Variants in LRRC51 observed in about 807,000 individuals in gnomAD.
LRRC51 encodes leucine-rich repeat-containing protein 51.
In LRRC51, 8 loss-of-function variants were observed where a neutral mutation model predicts 17.8. That is an observed-to-expected ratio of 0.45 (90% CI 0.26 to 0.81). The LOEUF (loss-of-function observed/expected upper bound fraction) is 0.81. Among genes scored for constraint, LRRC51 ranks in the 30% least tolerant of loss-of-function variants. The pLI, the probability that LRRC51 is intolerant of heterozygous loss-of-function variation, is 0.17. For missense variants in LRRC51, 233 were observed against 239.3 expected (o/e 0.97, Z 0.17); for synonymous variants, 92 against 96.0 (o/e 0.96, Z 0.24).
At chr11:72,083,333 C>G (rs1944350126) in intron 1 of LRRC51, among the ~76,000 whole-genome samples, 1 of 152,184 alleles carries the variant, frequency 6.6e-6, no homozygotes, top group Admixed American at 6.5e-5. Flanking sequence ...ATAGCAGTCA[C>G]ATCTGCCTGG....
chr11:72,095,145 G>A (rs1315862333), intron 5 of LRRC51, 49 bp downstream of exon 5: 6 of 1,603,042 alleles, frequency 3.7e-6, no homozygotes, highest in Admixed American at 1.7e-5. Context: ...TCCCCTAAAG[G>A]AAAGGAGGAG....
intron 3 of LRRC51, 75 bp downstream of exon 3, chr11:72,089,240 C>T: frequency 1.2e-6 from 2 of 1,605,582 alleles, no homozygotes; most frequent in South Asian, 1.1e-5. Flanking sequence ...AAACCATAAT[C>T]TACTTAAAAG....
At chr11:72,090,959 G>C (rs1297750164) in intron 3 of LRRC51, among the ~76,000 whole-genome samples, 1 of 152,184 alleles carries the variant, frequency 6.6e-6, no homozygotes, top group East Asian at 1.9e-4. Flanking sequence ...ATGCTCCCCA[G>C]TTCCCAAAGC....
In LRRC51 at chr11:72,088,380, GGTGA is replaced by G; in HGVS notation, c.-56+6_-56+9del. On this transcript the variant is annotated splice_donor_variant and splice_donor_region_variant and intron_variant, in intron 2 of 5. Transcript: ENST00000289488. LOFTEE classifies it low-confidence loss of function (5UTR_SPLICE). The stretch of plus-strand genomic sequence containing the variant: ...GGTGGAGTTTCAGCCATCAGTGACA[GGTGA>G]GTGAGAGGTAGACTCTGGTTTTGTG... 1.4e-6 allele frequency: 1 copy of G among 702,608 alleles called. No homozygotes were observed. The allele number at this position is 702,608 out of a possible 1,614,324, so 43.5% of individuals were successfully genotyped here.
At chr11:72,087,301 T>C (rs1944592833) in intron 1 of LRRC51, among the ~76,000 whole-genome samples, 2 of 148,436 alleles carry the variant, frequency 1.3e-5, no homozygotes, top group Non-Finnish European at 3.0e-5. Context: ...TTTTTTTTTT[T>C]TTTTTTTTTT....
chr11:72,091,582 G>T (rs1317218616), intron 3 of LRRC51, among the ~76,000 whole-genome samples: 7 of 152,182 alleles, frequency 4.6e-5, no homozygotes, highest in African/African-American at 1.7e-4. Context: ...GGGTGAACTA[G>T]GGAACCAAAG....
rs1944989341 is a variant in LRRC51 at position 72,093,587 on chromosome 11, C to G, written c.174C>G (p.Asn58Lys). The part of the protein sequence containing the change: ...KSLTQSLWLN[N>K]NVLNDLRDFN... ...TGACCCAGTCCCTGTGGCTGAATAA[C>G]AATGTTCTCAATGATCTGAGAGACT... The change falls in exon 4 of 6, where the codon AAC (asparagine) becomes AAG (lysine). Residue 58 changes from asparagine to lysine, a missense_variant. Coordinates refer to ENST00000289488, the MANE Select transcript of LRRC51 (RefSeq NM_145309.6). 6.2e-7 allele frequency: 1 copy of G among 1,614,100 alleles called. No individual in the cohort carries two copies. Among genetic ancestry groups the G allele is most frequent in the African/African-American group, 1.3e-5 (1 of 74,926 alleles).
chr11:72,095,623 G>C lies in LRRC51; in HGVS notation c.*103G>C, dbSNP rs1165870233. Reference sequence around the variant, plus strand: ...GCAGATGAGAAGTCACTTACACCTTGTAGAGATGTTCTCTAACTCAGGCAA... The same window carrying C: ...GCAGATGAGAAGTCACTTACACCTTCTAGAGATGTTCTCTAACTCAGGCAA... On this transcript the variant is annotated 3_prime_UTR_variant, in exon 6 of 6. Transcript: ENST00000289488. The C allele has an allele frequency of 1.3e-6, 2 of 1,551,020 alleles. No individual in the cohort carries two copies. The highest frequency in any genetic ancestry group is 1.7e-6 in the Non-Finnish European group (2 of 1,147,352).
Position 72,095,665 on chromosome 11 carries a change from CCTTTT to C in LRRC51, c.*156_*160del, listed in dbSNP as rs758185622. The C allele has an allele frequency of 8.0e-4, 1,206 of 1,505,066 alleles. No individual in the cohort carries two copies. Among genetic ancestry groups the C allele is most frequent in the Non-Finnish European group, 9.9e-4 (1,126 of 1,131,740 alleles). 93.2% of individuals were successfully genotyped at this position (1,505,066 alleles called of 1,614,324 possible). A position where few individuals can be genotyped will look rare whatever the true frequency, so the allele number is the denominator to read the frequency against. Reference sequence around the variant, plus strand: ...CTCAGGCAACTGCAAGTAGCTCTAGCCTTTTCTTTTCTTTTTTTTTTTTTTGAGAC... The same window carrying C: ...CTCAGGCAACTGCAAGTAGCTCTAGCCTTTTCTTTTTTTTTTTTTTGAGAC... On this transcript the variant is annotated 3_prime_UTR_variant, in exon 6 of 6. Transcript: ENST00000289488.
In LRRC51 at chr11:72,089,304, G is replaced by C. The variant is rs757435329; in HGVS notation, c.82+139G>C. 48 of 1,520,078 alleles carry C rather than the reference G, an allele frequency of 3.2e-5. No individual in the cohort carries two copies. The African/African-American group carries it at 6.2e-4, about 20-fold the overall frequency. 94.2% of individuals were successfully genotyped at this position (1,520,078 alleles called of 1,614,324 possible). ...AGATGTGTTGTTACTGTCTTTTGGA[G>C]GGTAGGGGAGAGTGAGAGGTTTTTT... On this transcript the variant is annotated intron_variant, in intron 3 of 5. Coordinates refer to ENST00000289488, the MANE Select transcript of LRRC51 (RefSeq NM_145309.6).
chr11:72,089,646 G>A (rs1454936633), intron 3 of LRRC51: 3 of 1,128,006 alleles, frequency 2.7e-6, no homozygotes, highest in Non-Finnish European at 3.3e-6. Context: ...TAATCTGACT[G>A]GCCAAACATG....
chr11:72,083,557 T>C (rs1478924638), intron 1 of LRRC51, among the ~76,000 whole-genome samples: 1 of 152,050 alleles, frequency 6.6e-6, no homozygotes, highest in Non-Finnish European at 1.5e-5. Context: ...GCCGGCACTA[T>C]GAGATACAAC....
chr11:72,084,624 CCCAGGAGTTTGAGA>C (rs1944418892), intron 1 of LRRC51, among the ~76,000 whole-genome samples: 1 of 151,940 alleles, frequency 6.6e-6, no homozygotes, highest in Non-Finnish European at 1.5e-5. Flanking sequence ...ATAGCTTGAG[CCCAGGAGTTTGAGA>C]CCAGCCTAAG....
chr11:72,086,458 G>A (rs1030967640), intron 1 of LRRC51: 7 of 702,212 alleles, frequency 1.0e-5, no homozygotes, highest in African/African-American at 8.7e-5. Flanking sequence ...GGAACCAATT[G>A]TTAGAAAGAA....
chr11:72,090,137 C>G (rs1340778719), intron 3 of LRRC51, among the ~76,000 whole-genome samples: 1 of 152,186 alleles, frequency 6.6e-6, no homozygotes, highest in African/African-American at 2.4e-5. Flanking sequence ...AGTGGTAACT[C>G]ACGTTTGTTC....
At chr11:72,089,689 GT>G (rs1449893647) in intron 3 of LRRC51, 8 of 873,612 alleles carry the variant, frequency 9.2e-6, no homozygotes, top group Non-Finnish European at 1.2e-5. Context: ...CATATTTCCA[GT>G]TTAAATACTT....
chr11:72,096,597 G>T lies in LRRC51; in HGVS notation c.*1077G>T. 2 of 1,464,816 alleles carry T rather than the reference G, an allele frequency of 1.4e-6. 1 individual carries two copies. Among genetic ancestry groups the T allele is most frequent in the South Asian group, 2.9e-5 (2 of 68,766 alleles). The allele number at this position is 1,464,816 out of a possible 1,614,324, so 90.7% of individuals were successfully genotyped here. A position where few individuals can be genotyped will look rare whatever the true frequency, so the allele number is the denominator to read the frequency against. On this transcript the variant is annotated 3_prime_UTR_variant, in exon 6 of 6. Coordinates refer to ENST00000289488, the MANE Select transcript of LRRC51 (RefSeq NM_145309.6). ...TTGAGGGAAAGGCCTGCTGGCCTGG[G>T]ACACTGGAGACGTGGGTTTACCACA...
At chr11:72,094,785 CAT>C in intron 4 of LRRC51, 161 bp from the exon 5 acceptor site, 1 of 1,358,482 alleles carries the variant, frequency 7.4e-7, no homozygotes, top group Non-Finnish European at 1.0e-6. Context: ...TGTCTTAAAA[CAT>C]AAATAAAAGT....
chr11:72,093,491 C>A lies in LRRC51; in HGVS notation c.83-5C>A. ...TGATACCCAAGTCTCACTTTGTCCC[C>A]ACAGATCTGGTAAATGAGGAGCCAA... is the stretch of plus-strand genomic sequence containing the variant. On this transcript the variant is annotated splice_polypyrimidine_tract_variant and splice_region_variant and intron_variant, in intron 3 of 5. Coordinates refer to ENST00000289488, the MANE Select transcript of LRRC51 (RefSeq NM_145309.6). The A allele has an allele frequency of 6.2e-7, 1 of 1,610,340 alleles. No homozygotes were observed. The highest frequency in any genetic ancestry group is 1.3e-5 in the African/African-American group (1 of 74,964).
Sources: allele counts gnomAD v4.1 joint callset (sites outside exome capture counted in the v4.1 genomes callset), GRCh38; gene constraint gnomAD v4.1.1; transcripts MANE v1.5; gene names NCBI Gene and HGNC (gene_info 2026-07-23, HGNC 2026-07-21).